LAS1L: variants seen among roughly 807,000 people sequenced by gnomAD.
LAS1L encodes the protein ribosomal biogenesis protein LAS1L.
A neutral mutation model predicts 57.3 loss-of-function variants in LAS1L; 5 were observed. The ratio of observed to expected loss-of-function variants is 0.09; its 90% CI spans 0.05 to 0.18. The LOEUF is 0.18. Ranked by LOEUF, LAS1L falls within the 10% of genes least tolerant of loss-of-function variation. LAS1L has a pLI of 1.00. For missense variants in LAS1L, 360 were observed against 568.3 expected (o/e 0.63, Z 3.73); for synonymous variants, 245 against 231.7 (o/e 1.06, Z -0.52).
intron 8 of LAS1L, 72 bp downstream of exon 8, chrX:65,524,893 C>T: frequency 1.1e-6 from 1 of 912,568 alleles, no homozygotes; most frequent in African/African-American, 1.9e-5. Flanking sequence ...ACCCAGGGCC[C>T]CCCAGCCCAC....
intron 4 of LAS1L, among the ~76,000 whole-genome samples, chrX:65,531,015 G>T (rs192953483): frequency 9.0e-6 from 1 of 110,981 alleles, no homozygotes; most frequent in Admixed American, 9.6e-5. Flanking sequence ...CAACTTAAGG[G>T]CAGGCAAAAA....
rs1207422184 is a variant in LAS1L, at chrX:65,523,634, G to A, written c.1374C>T (p.Ala458=). ...RRGWRLFNCS[A]SLDWPRMVES... ...CAACCATCCGGGGCCAGTCAAGGGA[G>A]GCGGAGCAGTTGAACAGCCTCCAGC... is the stretch of plus-strand genomic sequence containing the variant. Residue 458 remains alanine (A), a synonymous_variant, in exon 11 of 14, where the codon GCC becomes GCT. Transcript: ENST00000374811. 1.7e-6 allele frequency: 2 copies of A among 1,200,911 alleles called. No individual in the cohort carries two copies.
At position 65,514,200 on chromosome X, in the gene LAS1L, T is replaced by C. The variant is rs144002377; in HGVS notation, c.2078+623A>G. On this transcript the variant is annotated intron_variant, in intron 13 of 13. Coordinates refer to ENST00000374811, the MANE Select transcript of LAS1L (RefSeq NM_031206.7). ...CTTTGGATGGGCTCCTTTGTGTTACTAGCATAGCCCCTCAGCAAGGGCTGC... is the reference window on the plus strand; with the variant it reads ...CTTTGGATGGGCTCCTTTGTGTTACCAGCATAGCCCCTCAGCAAGGGCTGC... 2.1e-4 allele frequency among the ~76,000 whole-genome samples: 23 copies of C among 111,776 alleles called. No homozygotes were observed. The East Asian group carries it at 6.0e-3, about 29-fold the overall frequency.
chrX:65,534,535 C>T lies in LAS1L; in HGVS notation c.181G>A (p.Asp61Asn). The change falls in exon 1 of 14, where the codon GAC becomes AAC. Residue 61 changes from aspartate (D) to asparagine (N), a missense_variant. By Grantham distance (23) the Asp-to-Asn change is conservative (BLOSUM62 1). Transcript: ENST00000374811. Reference sequence around the variant, plus strand: ...GCGTACCGCTGCAACTTATGGTCGTCACAGAACAGATAAACCGTCACCTGG... The same window carrying T: ...GCGTACCGCTGCAACTTATGGTCGTTACAGAACAGATAAACCGTCACCTGG... ...WDQVTVYLFC[D>N]DHKLQRYALN... The T allele has an allele frequency of 8.3e-7, 1 of 1,209,498 alleles. No individual in the cohort carries two copies. The highest frequency in any genetic ancestry group is 1.1e-6 in the Non-Finnish European group (1 of 894,341).
In LAS1L at chrX:65,518,343, G is replaced by C; in HGVS notation, c.1571C>G (p.Pro524Arg). ...SLVQEGSEAS[P>R]IGKSPYTLDS... ...TAGTGTATATGGAGACTTCCCAATG[G>C]GGGAGGCCTCAGAGCCCTCCTGCAC... is the stretch of plus-strand genomic sequence containing the variant. The change falls in exon 12 of 14, where the codon CCC becomes CGC. Residue 524 changes from proline to arginine, a missense_variant. Coordinates refer to ENST00000374811, the MANE Select transcript of LAS1L (RefSeq NM_031206.7). 2.5e-6 allele frequency: 3 copies of C among 1,211,685 alleles called. No homozygotes were observed. Among genetic ancestry groups the C allele is most frequent in the Non-Finnish European group, 3.4e-6 (3 of 895,154 alleles).
chrX:65,512,995 G>T, intron 13 of LAS1L, 94 bp from the exon 14 acceptor site: 1 of 874,128 alleles, frequency 1.1e-6, no homozygotes, highest in Non-Finnish European at 1.6e-6. Flanking sequence ...TGTGGGATGG[G>T]CCCACTCTCC....
rs2069367677 is a variant in LAS1L, at chrX:65,529,687, T to C, written c.706A>G (p.Thr236Ala). ...KPEPQDDGKSTESDVKADGDS... is the reference protein window; with the variant it reads ...KPEPQDDGKSAESDVKADGDS... Reference sequence around the variant, plus strand: ...CCATCGGCCTTTACATCTGACTCCGTACTTTTCCCATCATCCTGAGGCTCT... The same window carrying C: ...CCATCGGCCTTTACATCTGACTCCGCACTTTTCCCATCATCCTGAGGCTCT... The change falls in exon 5 of 14, where the codon ACG (threonine) becomes GCG (alanine). Residue 236 changes from threonine (T) to alanine (A), a missense_variant. Thr to Ala is a moderately conservative substitution (Grantham distance 58). Around this residue, in one of 7 missense-constraint regions of LAS1L, gnomAD observed 51 missense variants for 43.1 expected, o/e 1.18. Coordinates refer to ENST00000374811, the MANE Select transcript of LAS1L (RefSeq NM_031206.7). The C allele has an allele frequency of 1.7e-6, 2 of 1,211,860 alleles. No homozygotes were observed.
In LAS1L at chrX:65,533,806, G is replaced by A. The variant is rs141630618; in HGVS notation, c.237-71C>T. Reference sequence around the variant, plus strand: ...GTCCACCCTCCACCTCAGAACCTAGGTTGTTGCAGGCTACACCCATCATAT... The same window carrying A: ...GTCCACCCTCCACCTCAGAACCTAGATTGTTGCAGGCTACACCCATCATAT... On this transcript the variant is annotated intron_variant, in intron 1 of 13. Coordinates refer to ENST00000374811, the MANE Select transcript of LAS1L (RefSeq NM_031206.7). 368 of 1,093,308 alleles carry A rather than the reference G, an allele frequency of 3.4e-4. 1 individual carries two copies. The African/African-American group carries it at 6.1e-3, about 18-fold the overall frequency. 90.1% of individuals were successfully genotyped at this position (1,093,308 alleles called of 1,213,427 possible).
At chrX:65,522,870 C>T (rs750248395) in intron 11 of LAS1L, 3 of 111,962 alleles carry the variant, frequency 2.7e-5, no homozygotes, top group South Asian at 3.8e-4. Context: ...TCAGATGAGT[C>T]ATCCAAATGA....
Position 65,528,386 on chromosome X carries a change from T to A in LAS1L, c.847-17A>T. 1 of 1,058,837 alleles carries A rather than the reference T, an allele frequency of 9.4e-7. No individual in the cohort carries two copies. Among genetic ancestry groups the A allele is most frequent in the Non-Finnish European group, 1.3e-6 (1 of 773,416 alleles). 87.3% of individuals were successfully genotyped at this position (1,058,837 alleles called of 1,213,427 possible). ...CTCCAGCACCTGCCAGCAAAGAGGG[T>A]CCCATCAGAAGGCTGGTTCAGCCAA... is the stretch of plus-strand genomic sequence containing the variant. On this transcript the variant is annotated splice_polypyrimidine_tract_variant and intron_variant, in intron 6 of 13. Coordinates refer to ENST00000374811, the MANE Select transcript of LAS1L (RefSeq NM_031206.7).
At chrX:65,514,261 A>G (rs1336200656) in intron 13 of LAS1L, among the ~76,000 whole-genome samples, 1 of 110,539 alleles carries the variant, frequency 9.0e-6, no homozygotes, top group East Asian at 2.8e-4. Context: ...AAGGGCTCCC[A>G]CGCCTGTGAT....
chrX:65,516,501 A>AATGCTATC, intron 12 of LAS1L, among the ~76,000 whole-genome samples: 1 of 110,147 alleles, frequency 9.1e-6, no homozygotes, highest in East Asian at 2.9e-4. Context: ...CACCAACCTC[A>AATGCTATC]ATGCTATCAC....
At chrX:65,530,724 G>A (rs1271042366) in intron 4 of LAS1L, among the ~76,000 whole-genome samples, 2 of 107,828 alleles carry the variant, frequency 1.9e-5, no homozygotes, top group African/African-American at 6.8e-5. Flanking sequence ...GGAGACAGGA[G>A]AATCACTTGA....
At position 65,528,241 on chromosome X, in the gene LAS1L, C is replaced by T. The variant is rs2069273541; in HGVS notation, c.956+19G>A. On this transcript the variant is annotated intron_variant, in intron 7 of 13. Transcript: ENST00000374811. Reference sequence around the variant, plus strand: ...TCTATCCTAGAGAATACGCAGCTCCCGGTTACCTAGTTACACACCTGTTCT... The same window carrying T: ...TCTATCCTAGAGAATACGCAGCTCCTGGTTACCTAGTTACACACCTGTTCT... The T allele has an allele frequency of 9.5e-7, 1 of 1,051,351 alleles. No homozygotes were observed. Among genetic ancestry groups the T allele is most frequent in the South Asian group, 1.9e-5 (1 of 51,396 alleles). The allele number at this position is 1,051,351 out of a possible 1,213,427, so 86.6% of individuals were successfully genotyped here. A position where few individuals can be genotyped will look rare whatever the true frequency, so the allele number is the denominator to read the frequency against.
At chrX:65,515,589 CT>C (rs2068600589) in intron 12 of LAS1L, among the ~76,000 whole-genome samples, 1 of 111,034 alleles carries the variant, frequency 9.0e-6, no homozygotes, top group Admixed American at 9.5e-5. Context: ...CCCCTGCCCC[CT>C]GCAGTTCTTG....
At chrX:65,519,197 G>A (rs139898791) in intron 11 of LAS1L, among the ~76,000 whole-genome samples, 6,802 of 111,346 alleles carry the variant, frequency 0.061, 212 homozygotes, top group Non-Finnish European at 0.099. Flanking sequence ...GCAAGCACAC[G>A]GTGCTGCTGC....
rs936646901 is a variant in LAS1L, at chrX:65,534,741, C to T, written c.-26G>A. ...ACTGAGCTCAACAACAGGCTCTGTG[C>T]CGCGCCGCTCCGCACAGCCTTCAGC... On this transcript the variant is annotated 5_prime_UTR_variant, in exon 1 of 14. Transcript: ENST00000374811. The T allele has an allele frequency of 9.2e-7, 1 of 1,089,909 alleles. No individual in the cohort carries two copies. Among genetic ancestry groups the T allele is most frequent in the Non-Finnish European group, 1.2e-6 (1 of 805,420 alleles). 89.8% of individuals were successfully genotyped at this position (1,089,909 alleles called of 1,213,427 possible). A position where few individuals can be genotyped will look rare whatever the true frequency, so the allele number is the denominator to read the frequency against.
intron 4 of LAS1L, among the ~76,000 whole-genome samples, chrX:65,530,372 C>T (rs900396283): frequency 7.2e-5 from 8 of 111,876 alleles, no homozygotes; most frequent in Non-Finnish European, 1.3e-4. Flanking sequence ...GAGGCACTAC[C>T]TGAGAAACAA....
intron 11 of LAS1L, 68 bp from the exon 12 acceptor site, chrX:65,518,533 A>G: frequency 8.9e-7 from 1 of 1,119,866 alleles, no homozygotes; most frequent in Non-Finnish European, 1.2e-6. Flanking sequence ...CCAACACTCC[A>G]GGGTTTGAAC....
Sources: gnomAD v4.1 joint callset for allele counts (sites outside exome capture counted in the v4.1 genomes callset) on GRCh38, gnomAD v4.1.1 for gene constraint, gnomAD v4.1.1 regional missense constraint, MANE v1.5 for transcripts, NCBI Gene and HGNC (gene_info 2026-07-23, HGNC 2026-07-21) for gene names.